RBPMS: variants seen among roughly 807,000 people sequenced by gnomAD.
RBPMS encodes RNA binding protein, mRNA processing factor, also known as RNA-binding protein with multiple splicing.
A neutral mutation model predicts 26.8 loss-of-function variants in RBPMS; 7 were observed. The observed-to-expected ratio is 0.26, with a 90% CI of 0.15 to 0.49. The LOEUF (loss-of-function observed/expected upper bound fraction) is 0.49. Ranked by LOEUF, RBPMS falls within the 20% of genes least tolerant of loss-of-function variation. The pLI, the probability that RBPMS is intolerant of heterozygous loss-of-function variation, is 0.98. For synonymous variants in RBPMS, 96 were observed against 93.3 expected, an observed-to-expected ratio of 1.03 and a Z score of -0.17; for missense variants, 186 against 250.0, an observed-to-expected ratio of 0.74 and a Z score of 1.73.
chr8:30,459,106 G>A (rs1260524127), intron 1 of RBPMS, among the ~76,000 whole-genome samples: 1 of 151,884 alleles, frequency 6.6e-6, no homozygotes, highest in Non-Finnish European at 1.5e-5. Context: ...TGGGATTACA[G>A]GCGTGCCACC....
At chr8:30,499,033 C>T (rs1319016772) in intron 4 of RBPMS, among the ~76,000 whole-genome samples, 1 of 151,992 alleles carries the variant, frequency 6.6e-6, no homozygotes, top group Non-Finnish European at 1.5e-5. Context: ...AAGCATAGAG[C>T]TAAATATAAG....
chr8:30,554,741 GCTTA>G (rs1826707417), intron 6 of RBPMS, among the ~76,000 whole-genome samples: 1 of 152,076 alleles, frequency 6.6e-6, no homozygotes, highest in Non-Finnish European at 1.5e-5. Context: ...ACTGGTCTAG[GCTTA>G]CCCCTTCATT....
chr8:30,548,491 G>GT (rs1389410331), intron 6 of RBPMS, among the ~76,000 whole-genome samples: 6 of 152,192 alleles, frequency 3.9e-5, no homozygotes, highest in Non-Finnish European at 8.8e-5. Context: ...TTTGTCCAGA[G>GT]TAACAGCAGT....
Position 30,556,082 on chromosome 8 carries a change from T to C in RBPMS, c.529-2805T>C. 5.1e-6 allele frequency: 5 copies of C among 985,256 alleles called. No individual in the cohort carries two copies. In the South Asian group the frequency reaches 1.9e-4, roughly 37 times the overall value. The allele number at this position is 985,256 out of a possible 1,614,324, so 61.0% of individuals were successfully genotyped here. A position where few individuals can be genotyped will look rare whatever the true frequency, so the allele number is the denominator to read the frequency against. Reference sequence around the variant, plus strand: ...GGCTGGAAGAGGAGGCAGCCGTGGGTGTCTGTGGATGCGGTGAGAAGAGCC... The same window carrying C: ...GGCTGGAAGAGGAGGCAGCCGTGGGCGTCTGTGGATGCGGTGAGAAGAGCC... On this transcript the variant is annotated intron_variant, in intron 6 of 8. Coordinates refer to ENST00000397323, the MANE Select transcript of RBPMS (RefSeq NM_001008710.3).
chr8:30,421,144 T>G (rs779999507), intron 1 of RBPMS, among the ~76,000 whole-genome samples: 9 of 152,220 alleles, frequency 5.9e-5, no homozygotes, highest in Middle Eastern at 3.4e-3. Flanking sequence ...TTTGTTTTCT[T>G]AGGGAGGTGT....
intron 1 of RBPMS, among the ~76,000 whole-genome samples, chr8:30,458,576 C>A (rs1459669328): frequency 2.0e-5 from 3 of 151,856 alleles, no homozygotes; most frequent in Non-Finnish European, 4.4e-5. Context: ...AAAAAAAAAA[C>A]AAAAAACAAA....
intron 1 of RBPMS, among the ~76,000 whole-genome samples, chr8:30,442,954 CT>C (rs1264220612): frequency 1.3e-5 from 2 of 152,218 alleles, no homozygotes; most frequent in Non-Finnish European, 2.9e-5. Context: ...CCTACCATTA[CT>C]TTTATTTACT....
At chr8:30,551,061 C>T (rs912948938) in intron 6 of RBPMS, among the ~76,000 whole-genome samples, 1 of 152,210 alleles carries the variant, frequency 6.6e-6, no homozygotes, top group African/African-American at 2.4e-5. Flanking sequence ...AATGGAGTTA[C>T]AGCTTGTACT....
At chr8:30,416,193 G>C (rs185325726) in intron 1 of RBPMS, among the ~76,000 whole-genome samples, 2 of 152,274 alleles carry the variant, frequency 1.3e-5, no homozygotes, top group East Asian at 1.9e-4. Context: ...AGTAGAAAAG[G>C]CTGTCCATTA....
At chr8:30,474,094 A>AAAC (rs140129097) in intron 1 of RBPMS, among the ~76,000 whole-genome samples, 40,861 of 151,578 alleles carry the variant, frequency 0.27, 5,670 homozygotes, top group East Asian at 0.42. Flanking sequence ...AAAATTTAAA[A>AAAC]AACAACAACA....
chr8:30,386,162 G>C lies in RBPMS; in HGVS notation c.66+1004G>C, dbSNP rs368697903. Among the ~76,000 whole-genome samples the C allele has an allele frequency of 2.0e-5, 3 of 152,278 alleles. No individual in the cohort carries two copies. In the East Asian group the frequency reaches 5.8e-4, roughly 29 times the overall value. On this transcript the variant is annotated intron_variant, in intron 1 of 8. Transcript: ENST00000397323. ...ATATGACCCGAAAAGATTCACACAG[G>C]TATTGGATCCTGATATAGGTGAACA...
At chr8:30,556,872 G>A (rs539127381) in intron 6 of RBPMS, 26 of 566,012 alleles carry the variant, frequency 4.6e-5, no homozygotes, top group East Asian at 2.0e-4. Flanking sequence ...TTCCCTGCCC[G>A]CCCCTACCTC....
chr8:30,516,234 G>T (rs1005775818), intron 5 of RBPMS, among the ~76,000 whole-genome samples: 4 of 152,098 alleles, frequency 2.6e-5, no homozygotes, highest in Non-Finnish European at 5.9e-5. Flanking sequence ...ACAAAAATTA[G>T]CCGGCTGTGG....
chr8:30,501,266 G>A (rs1157282675), intron 4 of RBPMS, among the ~76,000 whole-genome samples: 6 of 52,508 alleles, frequency 1.1e-4, no homozygotes, highest in South Asian at 6.3e-4. Context: ...CCCCACCCCT[G>A]ACCCCTCCCA....
intron 6 of RBPMS, chr8:30,545,267 C>A: frequency 8.2e-7 from 1 of 1,214,528 alleles, no homozygotes; most frequent in Non-Finnish European, 1.0e-6. Context: ...TTAAAAATAG[C>A]CTGATTTTTA....
chr8:30,536,099 C>T (rs920527778), intron 5 of RBPMS, among the ~76,000 whole-genome samples: 2 of 150,976 alleles, frequency 1.3e-5, no homozygotes, highest in African/African-American at 4.9e-5. Context: ...ACTCAGGGAC[C>T]TTATAGTTCA....
chr8:30,513,347 T>C lies in RBPMS; in HGVS notation c.397+8911T>C, dbSNP rs150107663. ...AGCTCACACCTGAAATCCAGCACTT[T>C]GGGAGGCCGAGGCAGGTGGATCATG... On this transcript the variant is annotated intron_variant, in intron 5 of 8. Coordinates refer to ENST00000397323, the MANE Select transcript of RBPMS (RefSeq NM_001008710.3). 5.1e-3 allele frequency among the ~76,000 whole-genome samples: 774 copies of C among 152,126 alleles called. 8 individuals are homozygous for C. The highest frequency in any genetic ancestry group is 0.022 in the South Asian group (105 of 4,808).
At chr8:30,545,027 T>G in intron 6 of RBPMS, 1 of 1,423,844 alleles carries the variant, frequency 7.0e-7, no homozygotes, top group Non-Finnish European at 9.2e-7. Flanking sequence ...TGTGCGTGTT[T>G]CTGTGTGTTG....
At chr8:30,552,051 CAG>C (rs1262447517) in intron 6 of RBPMS, among the ~76,000 whole-genome samples, 1 of 152,186 alleles carries the variant, frequency 6.6e-6, no homozygotes, top group Non-Finnish European at 1.5e-5. Context: ...ACTTAGGACA[CAG>C]GGACTCCTGA....
Sources: gnomAD v4.1 joint callset for allele counts (sites outside exome capture counted in the v4.1 genomes callset) on GRCh38, gnomAD v4.1.1 for gene constraint, MANE v1.5 for transcripts, NCBI Gene and HGNC (gene_info 2026-07-23, HGNC 2026-07-21) for gene names.